The following CLOCK variants were observed in gnomAD, a reference collection of about 807,000 sequenced individuals.
CLOCK encodes circadian locomoter output cycles protein kaput.
A neutral mutation model predicts 118.4 loss-of-function variants in CLOCK; 43 were observed. The ratio of observed to expected loss-of-function variants is 0.36; its 90% confidence interval spans 0.28 to 0.47. The LOEUF is 0.47. CLOCK is among the 20% of genes least tolerant of loss of function. The pLI is 1.00. For synonymous variants in CLOCK, 326 were observed against 339.2 expected (o/e 0.96, Z 0.43); for missense variants, 846 against 999.9 (o/e 0.85, Z 2.08).
In CLOCK at chr4:55,445,582, C is replaced by CTTTTTTTTTTTTTTTTTTTT. The variant is rs56157186; in HGVS notation, c.1540-817_1540-798dup. On this transcript the variant is annotated intron_variant, in intron 18 of 22. Coordinates refer to ENST00000513440, the MANE Select transcript of CLOCK (RefSeq NM_004898.4). ...TCTCTGCATCTGCTATTTCTATATT[C>CTTTTTTTTTTTTTTTTTTTT]TTTTTTTTTTTTTTTTTTTTTTTTT... is the stretch of plus-strand genomic sequence containing the variant. Among the ~76,000 whole-genome samples, 170 of 68,592 alleles carry CTTTTTTTTTTTTTTTTTTTT rather than the reference C, an allele frequency of 2.5e-3. 28 individuals are homozygous for CTTTTTTTTTTTTTTTTTTTT. The highest frequency in any genetic ancestry group is 3.2e-3 in the South Asian group (4 of 1,250). 45.0% of individuals were successfully genotyped at this position (68,592 alleles called of 152,430 possible).
intron 1 of CLOCK, among the ~76,000 whole-genome samples, chr4:55,526,714 C>T (rs1730211292): frequency 3.3e-5 from 5 of 151,858 alleles, no homozygotes; most frequent in Admixed American, 2.6e-4. Context: ...TTTGGGAGGT[C>T]GAGGTGGTCA....
intron 1 of CLOCK, among the ~76,000 whole-genome samples, chr4:55,519,645 G>C (rs1050062946): frequency 1.3e-5 from 2 of 152,100 alleles, no homozygotes; most frequent in East Asian, 1.9e-4. Context: ...GGGCGTGGTG[G>C]TGCACTTCTG....
At chr4:55,482,685 T>C (rs541666166) in intron 4 of CLOCK, 54 bp downstream of exon 4, 4 of 1,168,260 alleles carry the variant, frequency 3.4e-6, no homozygotes, top group African/African-American at 1.5e-5. Flanking sequence ...ATTATTCTAA[T>C]AGTGCATTTT....
chr4:55,476,574 G>C (rs1462715428), intron 6 of CLOCK, among the ~76,000 whole-genome samples: 2 of 152,084 alleles, frequency 1.3e-5, no homozygotes, highest in African/African-American at 4.8e-5. Flanking sequence ...TAATCAAAGA[G>C]ACTAAATTAA....
chr4:55,456,568 A>C (rs1428538387), intron 11 of CLOCK, among the ~76,000 whole-genome samples: 2 of 152,152 alleles, frequency 1.3e-5, no homozygotes. Flanking sequence ...AGGCTGAGGC[A>C]GCAGGATCAC....
Position 55,459,275 on chromosome 4 carries a change from G to T in CLOCK, c.560-14C>A. Reference sequence around the variant, plus strand: ...ACTGATTTTTTGCTGAAATAAAAGAGATTTTAAAAATCACATATTTCTGAT... The same window carrying T: ...ACTGATTTTTTGCTGAAATAAAAGATATTTTAAAAATCACATATTTCTGAT... On this transcript the variant is annotated splice_polypyrimidine_tract_variant and intron_variant, in intron 9 of 22. Transcript: ENST00000513440. The T allele has an allele frequency of 1.4e-6, 2 of 1,460,668 alleles. No individual in the cohort carries two copies. The highest frequency in any genetic ancestry group is 2.3e-5 in the South Asian group (2 of 87,606). The allele number at this position is 1,460,668 out of a possible 1,614,324, so 90.5% of individuals were successfully genotyped here.
intron 11 of CLOCK, 105 bp downstream of exon 11, chr4:55,458,787 A>C: frequency 1.3e-6 from 1 of 755,148 alleles, no homozygotes; most frequent in Non-Finnish European, 2.3e-6. Context: ...TATCATGCAT[A>C]TTTAATGACT....
intron 2 of CLOCK, among the ~76,000 whole-genome samples, chr4:55,493,129 G>A (rs564933754): frequency 6.6e-6 from 1 of 152,050 alleles, no homozygotes; most frequent in African/African-American, 2.4e-5. Context: ...AGCTATACAT[G>A]AGGAGGCAAA....
intron 1 of CLOCK, among the ~76,000 whole-genome samples, chr4:55,519,941 T>C (rs547030623): frequency 2.0e-4 from 30 of 152,046 alleles, no homozygotes; most frequent in African/African-American, 5.5e-4. Flanking sequence ...GCATGAATTG[T>C]AGGATTAAAA....
At chr4:55,543,721 T>C (rs1325953636) in intron 1 of CLOCK, among the ~76,000 whole-genome samples, 1 of 151,460 alleles carries the variant, frequency 6.6e-6, no homozygotes, top group Non-Finnish European at 1.5e-5. Flanking sequence ...GAGGTTGCAG[T>C]GAGCCAAGAT....
chr4:55,483,143 T>A (rs1727044195), intron 3 of CLOCK, among the ~76,000 whole-genome samples: 1 of 152,210 alleles, frequency 6.6e-6, no homozygotes, highest in Non-Finnish European at 1.5e-5. Flanking sequence ...TAGTCTGTAA[T>A]AACACCATCT....
chr4:55,531,917 A>C (rs1577867033), intron 1 of CLOCK, among the ~76,000 whole-genome samples: 1 of 150,382 alleles, frequency 6.6e-6, no homozygotes, highest in African/African-American at 2.4e-5. Flanking sequence ...AAACAAAAAC[A>C]AAAACAAAAA....
chr4:55,477,723 C>T (rs756184432), intron 6 of CLOCK, among the ~76,000 whole-genome samples: 12 of 151,878 alleles, frequency 7.9e-5, no homozygotes, highest in Non-Finnish European at 1.6e-4. Flanking sequence ...ATAGCTGAAG[C>T]TATGGAATGA....
intron 1 of CLOCK, among the ~76,000 whole-genome samples, chr4:55,516,187 A>C (rs1729502897): frequency 6.6e-6 from 1 of 152,176 alleles, no homozygotes; most frequent in Admixed American, 6.5e-5. Flanking sequence ...TGTTGGATGA[A>C]GTAGTCTATA....
At chr4:55,444,503 G>C (rs569695084) in intron 19 of CLOCK, 130 bp downstream of exon 19, 1 of 1,083,252 alleles carries the variant, frequency 9.2e-7, no homozygotes, top group Admixed American at 1.8e-5. Flanking sequence ...TAGGTAACCA[G>C]TGAATATTTA....
chr4:55,472,722 C>T (rs553068201), intron 7 of CLOCK, among the ~76,000 whole-genome samples: 123 of 151,590 alleles, frequency 8.1e-4, no homozygotes, highest in African/African-American at 2.8e-3. Context: ...GAAAATGGTC[C>T]CCTCCCCCTT....
chr4:55,464,515 A>C (rs1190998413), intron 8 of CLOCK, among the ~76,000 whole-genome samples: 2 of 152,120 alleles, frequency 1.3e-5, no homozygotes, highest in Non-Finnish European at 2.9e-5. Flanking sequence ...TACGCATTCT[A>C]CCTGGTTTCC....
chr4:55,478,077 T>C (rs940012322), intron 6 of CLOCK, among the ~76,000 whole-genome samples: 1 of 152,076 alleles, frequency 6.6e-6, no homozygotes, highest in Non-Finnish European at 1.5e-5. Context: ...GAGGCACTAA[T>C]TACTAACTGT....
Position 55,517,065 on chromosome 4 carries a change from A to G in CLOCK, c.-289-7000T>C, listed in dbSNP as rs1026473058. 7.9e-5 allele frequency among the ~76,000 whole-genome samples: 12 copies of G among 152,352 alleles called. No individual in the cohort carries two copies. The South Asian group carries it at 2.1e-3, about 26-fold the overall frequency. ...GTGTATATATAAGCATACATAATTGAATACACTGTTGATAACATTATTTTG... is the reference window on the plus strand; with the variant it reads ...GTGTATATATAAGCATACATAATTGGATACACTGTTGATAACATTATTTTG... On this transcript the variant is annotated intron_variant, in intron 1 of 22. Coordinates refer to ENST00000513440, the MANE Select transcript of CLOCK (RefSeq NM_004898.4).
Sources: allele counts gnomAD v4.1 joint callset (sites outside exome capture counted in the v4.1 genomes callset), GRCh38; gene constraint gnomAD v4.1.1; transcripts MANE v1.5; gene names NCBI Gene and HGNC (gene_info 2026-07-23, HGNC 2026-07-21).